The following SPATA17 variants were observed in gnomAD, a reference collection of about 807,000 sequenced individuals.
SPATA17 encodes the protein spermatogenesis associated 17, also known as spermatogenesis-associated protein 17.
A neutral mutation model predicts 62.2 loss-of-function variants in SPATA17; 53 were observed. That is an observed-to-expected ratio of 0.85 (90% CI 0.68 to 1.07). The LOEUF is 1.07. Among genes scored for constraint, SPATA17 ranks in the 50% least tolerant of loss-of-function variants. The pLI, the probability that SPATA17 is intolerant of heterozygous loss-of-function variation, is 0.00. For synonymous variants in SPATA17, 146 were observed against 146.8 expected (o/e 0.99, Z 0.04); for missense variants, 466 against 425.5 (o/e 1.10, Z -0.84).
At chr1:217,670,716 C>T (rs1670812354) in intron 4 of SPATA17, among the ~76,000 whole-genome samples, 1 of 152,042 alleles carries the variant, frequency 6.6e-6, no homozygotes, top group African/African-American at 2.4e-5. Flanking sequence ...TTTGAGAGGC[C>T]ACGGAGGGTG....
intron 1 of SPATA17, among the ~76,000 whole-genome samples, chr1:217,645,552 G>C (rs1209715385): frequency 6.6e-6 from 1 of 151,998 alleles, no homozygotes; most frequent in Non-Finnish European, 1.5e-5. Context: ...AACAAATCTG[G>C]TATAGTTTGT....
chr1:217,776,737 G>A (rs1379607640), intron 7 of SPATA17, among the ~76,000 whole-genome samples: 3 of 151,684 alleles, frequency 2.0e-5, no homozygotes, highest in South Asian at 2.1e-4. Context: ...AGGCTCAGAC[G>A]GAGGGTGGGG....
intron 9 of SPATA17, among the ~76,000 whole-genome samples, chr1:217,807,688 T>C (rs1455508722): frequency 6.6e-6 from 1 of 152,062 alleles, no homozygotes; most frequent in Non-Finnish European, 1.5e-5. Context: ...ATTAAGAACA[T>C]TAGTCAAAAA....
At chr1:217,645,895 A>G (rs1670169605) in intron 1 of SPATA17, among the ~76,000 whole-genome samples, 1 of 152,184 alleles carries the variant, frequency 6.6e-6, no homozygotes. Context: ...TTGCTTAATC[A>G]TGATCTCCCA....
chr1:217,689,036 T>A (rs1202400093), intron 5 of SPATA17, among the ~76,000 whole-genome samples: 1 of 152,148 alleles, frequency 6.6e-6, no homozygotes, highest in Non-Finnish European at 1.5e-5. Context: ...AATATTGCTT[T>A]TTTCTGTCTT....
At chr1:217,823,085 G>T (rs1004243217) in intron 9 of SPATA17, among the ~76,000 whole-genome samples, 4 of 151,852 alleles carry the variant, frequency 2.6e-5, no homozygotes, top group Admixed American at 2.6e-4. Context: ...AACTTTATAT[G>T]TGGGAATTTT....
chr1:217,696,486 C>T (rs998008570), intron 5 of SPATA17, among the ~76,000 whole-genome samples: 1 of 152,214 alleles, frequency 6.6e-6, no homozygotes, highest in Non-Finnish European at 1.5e-5. Context: ...GAGCTGTAGA[C>T]CAGAGCTGTT....
At chr1:217,772,581 A>G (rs1673476947) in intron 6 of SPATA17, among the ~76,000 whole-genome samples, 2 of 152,232 alleles carry the variant, frequency 1.3e-5, no homozygotes, top group South Asian at 4.1e-4. Context: ...AAAGCAGTCA[A>G]TACAATTCTG....
intron 8 of SPATA17, among the ~76,000 whole-genome samples, chr1:217,792,477 T>G (rs1674018278): frequency 6.6e-6 from 1 of 152,198 alleles, no homozygotes; most frequent in Non-Finnish European, 1.5e-5. Context: ...CTGACTAGCT[T>G]AACTGATGAC....
rs567951957 is a variant in SPATA17, at chr1:217,729,447, A to G, written c.396-12528A>G. Among the ~76,000 whole-genome samples, 76 of 152,350 alleles carry G rather than the reference A, an allele frequency of 5.0e-4. 1 individual carries two copies. The highest frequency in any genetic ancestry group is 2.7e-3 in the Admixed American group (42 of 15,308). On this transcript the variant is annotated intron_variant, in intron 5 of 10. Transcript: ENST00000366933. ...TATTACGATCTCAGCCAAGTAAATG[A>G]TAGCATTTTAGCTTTATCTAATTTT...
chr1:217,676,162 C>A (rs879608758), intron 4 of SPATA17, among the ~76,000 whole-genome samples: 3 of 152,108 alleles, frequency 2.0e-5, no homozygotes, highest in Non-Finnish European at 4.4e-5. Context: ...TGACGAAAAA[C>A]CTCACCATCT....
intron 9 of SPATA17, among the ~76,000 whole-genome samples, chr1:217,852,744 T>C (rs769319968): frequency 6.6e-5 from 10 of 152,174 alleles, no homozygotes; most frequent in Non-Finnish European, 1.5e-4. Context: ...TTTGGTAACT[T>C]GAAGTGATCC....
intron 9 of SPATA17, among the ~76,000 whole-genome samples, chr1:217,824,921 T>G (rs967366278): frequency 6.6e-6 from 1 of 150,902 alleles, no homozygotes; most frequent in Non-Finnish European, 1.5e-5. Flanking sequence ...TTCTTTCATA[T>G]GCATATGTAT....
chr1:217,698,159 C>G (rs1318544575), intron 5 of SPATA17, among the ~76,000 whole-genome samples: 1 of 152,054 alleles, frequency 6.6e-6, no homozygotes, highest in Non-Finnish European at 1.5e-5. Context: ...AAAAATCAGG[C>G]TGGGCACAGT....
chr1:217,831,201 C>T (rs1430833493), intron 9 of SPATA17, among the ~76,000 whole-genome samples: 1 of 152,096 alleles, frequency 6.6e-6, no homozygotes, highest in Non-Finnish European at 1.5e-5. Context: ...TGCTGTCTAA[C>T]TAGCAATGCA....
intron 5 of SPATA17, among the ~76,000 whole-genome samples, chr1:217,712,437 CTTATA>C (rs1290446648): frequency 6.6e-6 from 1 of 152,012 alleles, no homozygotes; most frequent in East Asian, 1.9e-4. Context: ...ACAATATGTT[CTTATA>C]TTATGTCTTA....
At chr1:217,683,236 A>C (rs753965734) in intron 4 of SPATA17, 22 bp from the exon 5 acceptor site, 7 of 1,517,180 alleles carry the variant, frequency 4.6e-6, no homozygotes, top group South Asian at 1.2e-5. Context: ...GGCATATTTT[A>C]TCTCTTTATT....
chr1:217,686,751 G>A (rs1470413735), intron 5 of SPATA17, among the ~76,000 whole-genome samples: 2 of 152,210 alleles, frequency 1.3e-5, no homozygotes, highest in Admixed American at 6.5e-5. Flanking sequence ...ACGGAGTCAC[G>A]CCCTGTTGCC....
At chr1:217,734,990 C>G (rs60443242) in intron 5 of SPATA17, among the ~76,000 whole-genome samples, 1,548 of 152,228 alleles carry the variant, frequency 0.01, 21 homozygotes, top group African/African-American at 0.029. Flanking sequence ...GTTCTACCCC[C>G]GCTTCCCAAC....
Sources: gnomAD v4.1 joint callset for allele counts (sites outside exome capture counted in the v4.1 genomes callset) on GRCh38, gnomAD v4.1.1 for gene constraint, MANE v1.5 for transcripts, NCBI Gene and HGNC (gene_info 2026-07-23, HGNC 2026-07-21) for gene names.